Variants in DNAH14 observed in about 807,000 individuals in gnomAD.
DNAH14 encodes the protein axonemal beta dynein heavy chain 14.
In DNAH14, 478 loss-of-function variants were observed where a neutral mutation model predicts 520.9. The observed-to-expected ratio is 0.92, with a 90% CI of 0.85 to 0.99. The LOEUF (loss-of-function observed/expected upper bound fraction) is 0.99, where lower values mean the gene tolerates loss of function less well. Ranked by LOEUF, DNAH14 falls within the 50% of genes least tolerant of loss-of-function variation. DNAH14 has a pLI of 0.00. For missense variants in DNAH14, 4,831 were observed against 5,234.5 expected, an observed-to-expected ratio of 0.92 and a Z score of 2.38; for synonymous variants, 1,581 against 1,757.2, an observed-to-expected ratio of 0.90 and a Z score of 2.51.
intron 30 of DNAH14, among the ~76,000 whole-genome samples, chr1:225,146,448 G>T (rs1036586278): frequency 6.6e-6 from 1 of 152,130 alleles, no homozygotes; most frequent in Non-Finnish European, 1.5e-5. Context: ...TGTTTGTTTT[G>T]TTGCTTTGTT....
chr1:225,245,328 G>T (rs951798878), intron 43 of DNAH14, among the ~76,000 whole-genome samples: 18 of 152,150 alleles, frequency 1.2e-4, no homozygotes, highest in Non-Finnish European at 1.0e-4. Flanking sequence ...CTGTAGATTT[G>T]GGGTGGAGAG....
intron 49 of DNAH14, among the ~76,000 whole-genome samples, chr1:225,268,578 C>T (rs1458843082): frequency 6.6e-6 from 1 of 152,102 alleles, no homozygotes; most frequent in Non-Finnish European, 1.5e-5. Flanking sequence ...TTTAGAAAAC[C>T]CCATCGTCTC....
At chr1:225,129,652 T>C (rs950956033) in intron 27 of DNAH14, among the ~76,000 whole-genome samples, 3 of 151,926 alleles carry the variant, frequency 2.0e-5, no homozygotes, top group Non-Finnish European at 4.4e-5. Flanking sequence ...CCTTACACCT[T>C]ATACAAAAAT....
rs377025121 is a variant in DNAH14, at chr1:225,237,942, G to A, written c.6519-2651G>A. Among the ~76,000 whole-genome samples the A allele has an allele frequency of 2.2e-4, 33 of 152,284 alleles. No homozygotes were observed. The East Asian group carries it at 2.5e-3, about 12-fold the overall frequency. The stretch of plus-strand genomic sequence containing the variant: ...CTTGTGATTGCATTGAGAAATTCTA[G>A]TATTGTGTTTTCTGGCTTTATCAGG... On this transcript the variant is annotated intron_variant, in intron 42 of 85. Transcript: ENST00000682510.
chr1:225,354,121 C>G, intron 73 of DNAH14: 1 of 704,646 alleles, frequency 1.4e-6, no homozygotes, highest in South Asian at 1.5e-5. Flanking sequence ...TATTCTCCCC[C>G]AGAAAGGAGG....
Position 225,079,338 on chromosome 1 carries a change from T to A in DNAH14, c.2556T>A (p.Ser852=). The change falls in exon 18 of 86, where the codon TCT becomes TCA. Residue 852 remains serine, a synonymous_variant. Transcript: ENST00000682510. The part of the protein sequence containing the change: ...SKLEKEFLTM[S]QLYSVAKHHQ... ...TAGAAAAAGAGTTCTTAACAATGTC[T>A]CAGCTATATTCTGTTGCAAAGCATC... 1.3e-6 allele frequency: 2 copies of A among 1,550,374 alleles called. No individual in the cohort carries two copies. The highest frequency in any genetic ancestry group is 1.7e-6 in the Non-Finnish European group (2 of 1,146,676).
At chr1:224,967,633 T>C in intron 6 of DNAH14, 50 bp downstream of exon 6, 1 of 1,592,974 alleles carries the variant, frequency 6.3e-7, no homozygotes. Context: ...TACAAAAATA[T>C]TATCCAAGGT....
chr1:225,301,087 A>G (rs1307277080), intron 56 of DNAH14, 57 bp downstream of exon 56: 9 of 1,468,222 alleles, frequency 6.1e-6, no homozygotes, highest in African/African-American at 5.7e-5. Flanking sequence ...GACCGTGTTT[A>G]TAATTCTGTA....
At chr1:225,203,157 T>C (rs555423792) in intron 38 of DNAH14, among the ~76,000 whole-genome samples, 1 of 152,298 alleles carries the variant, frequency 6.6e-6, no homozygotes, top group South Asian at 2.1e-4. Context: ...CAAAAGTTCA[T>C]GATGTGAGCC....
intron 35 of DNAH14, among the ~76,000 whole-genome samples, chr1:225,165,959 C>A (rs915153683): frequency 1.3e-5 from 2 of 151,918 alleles, no homozygotes; most frequent in Non-Finnish European, 2.9e-5. Flanking sequence ...TTCAGAAGTA[C>A]AATAGATACT....
At chr1:224,964,227 C>T (rs1572092763) in intron 4 of DNAH14, among the ~76,000 whole-genome samples, 1 of 152,066 alleles carries the variant, frequency 6.6e-6, no homozygotes, top group African/African-American at 2.4e-5. Flanking sequence ...AGTCTCTTCT[C>T]TTGTTACTAC....
At chr1:225,168,338 G>T (rs977913664) in intron 36 of DNAH14, among the ~76,000 whole-genome samples, 1 of 152,184 alleles carries the variant, frequency 6.6e-6, no homozygotes, top group Non-Finnish European at 1.5e-5. Flanking sequence ...AGCGTGAGCC[G>T]AAGCAGGGCG....
chr1:225,335,800 T>TACACACATGTACATACAC lies in DNAH14; in HGVS notation c.10081-1465_10081-1464insCACACATGTACATACACA, dbSNP rs1558436143. Among the ~76,000 whole-genome samples, 3 of 111,770 alleles carry TACACACATGTACATACAC rather than the reference T, an allele frequency of 2.7e-5. 1 individual carries two copies. Among genetic ancestry groups the TACACACATGTACATACAC allele is most frequent in the Non-Finnish European group, 5.4e-5 (3 of 55,448 alleles). The allele number at this position is 111,770 out of a possible 152,430, so 73.3% of individuals were successfully genotyped here. A position where few individuals can be genotyped will look rare whatever the true frequency, so the allele number is the denominator to read the frequency against. ...GCATATATTCATAAGTACATCTATGTATATGTACATATATGTACATACACA... is the reference window on the plus strand; with the variant it reads ...GCATATATTCATAAGTACATCTATGTACACACATGTACATACACATATGTACATATATGTACATACACA... On this transcript the variant is annotated intron_variant, in intron 66 of 85. Coordinates refer to ENST00000682510, the MANE Select transcript of DNAH14 (RefSeq NM_001367479.1).
intron 36 of DNAH14, among the ~76,000 whole-genome samples, chr1:225,171,760 A>G (rs2082698491): frequency 6.6e-6 from 1 of 152,160 alleles, no homozygotes; most frequent in Non-Finnish European, 1.5e-5. Flanking sequence ...ATCCTCCCTA[A>G]CTCATTTTAT....
At chr1:225,106,768 G>A (rs996389718) in intron 23 of DNAH14, among the ~76,000 whole-genome samples, 2 of 152,018 alleles carry the variant, frequency 1.3e-5, no homozygotes, top group Non-Finnish European at 2.9e-5. Context: ...GGTTATTCTA[G>A]TTAGCCATTC....
rs1574898421 is a variant in DNAH14, at chr1:225,338,326, TG to T, written c.10433+146del. 3 of 1,065,924 alleles carry T rather than the reference TG, an allele frequency of 2.8e-6. No individual in the cohort carries two copies. The East Asian group carries it at 7.8e-5, about 28-fold the overall frequency. The allele number at this position is 1,065,924 out of a possible 1,614,324, so 66.0% of individuals were successfully genotyped here. A position where few individuals can be genotyped will look rare whatever the true frequency, so the allele number is the denominator to read the frequency against. The stretch of plus-strand genomic sequence containing the variant: ...TGGAATATTCTTTTTGTTTTTGTGT[TG>T]GCAGTAGTATTCATCAGTATACAGA... On this transcript the variant is annotated intron_variant, in intron 68 of 85. Transcript: ENST00000682510.
intron 17 of DNAH14, among the ~76,000 whole-genome samples, chr1:225,072,087 C>A (rs1262405224): frequency 6.6e-6 from 1 of 152,148 alleles, no homozygotes; most frequent in East Asian, 1.9e-4. Flanking sequence ...ATGTTGGCTT[C>A]TCTAGCTAGG....
At chr1:224,983,687 G>A (rs1357735003) in intron 8 of DNAH14, among the ~76,000 whole-genome samples, 1 of 152,108 alleles carries the variant, frequency 6.6e-6, no homozygotes, top group African/African-American at 2.4e-5. Context: ...ACTGATAAAA[G>A]TATTCAGCAA....
chr1:225,257,004 G>C (rs1234349769), intron 44 of DNAH14, among the ~76,000 whole-genome samples: 1 of 151,962 alleles, frequency 6.6e-6, no homozygotes, highest in Non-Finnish European at 1.5e-5. Flanking sequence ...CAGAAAGAGT[G>C]TGAGTGAGGG....
Sources: gnomAD v4.1 joint callset for allele counts (sites outside exome capture counted in the v4.1 genomes callset) on GRCh38, gnomAD v4.1.1 for gene constraint, MANE v1.5 for transcripts, NCBI Gene and HGNC (gene_info 2026-07-23, HGNC 2026-07-21) for gene names.